The following MCM9 variants were observed in gnomAD, a reference collection of about 807,000 sequenced individuals.
MCM9 encodes the protein minichromosome maintenance 9 homologous recombination repair factor, also known as DNA helicase MCM9.
MCM9 carries 55 observed loss-of-function variants against 72.8 expected under a neutral mutation model. The ratio of observed to expected loss-of-function variants is 0.76; its 90% confidence interval spans 0.61 to 0.95. The LOEUF (loss-of-function observed/expected upper bound fraction) is 0.95, where lower values mean the gene tolerates loss of function less well. Ranked by LOEUF, MCM9 falls within the 40% of genes least tolerant of loss-of-function variation. The pLI, the probability that MCM9 is intolerant of heterozygous loss-of-function variation, is 0.00. For synonymous variants in MCM9, 480 were observed against 503.4 expected (o/e 0.95, Z 0.62); for missense variants, 1,279 against 1,377.0 (o/e 0.93, Z 1.13).
chr6:118,892,865 C>T (rs1204492772), intron 8 of MCM9, among the ~76,000 whole-genome samples: 1 of 152,234 alleles, frequency 6.6e-6, no homozygotes, highest in African/African-American at 2.4e-5. Context: ...CTCACATTAA[C>T]TTTCAAAAGA....
In MCM9 at chr6:118,853,403, C is replaced by A. The variant is rs1020611162; in HGVS notation, c.1325+2968G>T. ...GCTATTCTGTGCTTTTCTATATAAACTTTAAAACCAGCCTGCCGATTTCTA... is the reference window on the plus strand; with the variant it reads ...GCTATTCTGTGCTTTTCTATATAAAATTTAAAACCAGCCTGCCGATTTCTA... On this transcript the variant is annotated intron_variant, in intron 9 of 13. Transcript: ENST00000619706. Among the ~76,000 whole-genome samples, 9 of 151,864 alleles carry A rather than the reference C, an allele frequency of 5.9e-5. No individual in the cohort carries two copies. The South Asian group carries it at 1.9e-3, about 32-fold the overall frequency.
intron 8 of MCM9, among the ~76,000 whole-genome samples, chr6:118,892,547 T>G (rs1173077639): frequency 6.6e-6 from 1 of 152,244 alleles, no homozygotes; most frequent in Non-Finnish European, 1.5e-5. Flanking sequence ...CACAGGAGTT[T>G]TAATCTTCAA....
chr6:118,928,410 CA>C lies in MCM9; in HGVS notation c.304+3009del, dbSNP rs1782082981. Among the ~76,000 whole-genome samples the C allele has an allele frequency of 2.0e-5, 3 of 151,776 alleles. No homozygotes were observed. The South Asian group carries it at 6.2e-4, about 32-fold the overall frequency. ...TGGGAAACAGAGTGAGACTCCATCT[CA>C]AAAAAACAAAGAATACAGACTCAAG... is the stretch of plus-strand genomic sequence containing the variant. On this transcript the variant is annotated intron_variant, in intron 3 of 13. Coordinates refer to ENST00000619706, the MANE Select transcript of MCM9 (RefSeq NM_017696.3).
Position 118,840,735 on chromosome 6 carries a change from C to G in MCM9, c.1326-11485G>C, listed in dbSNP as rs544711618. Reference sequence around the variant, plus strand: ...GCTAGGTACATATATTCTCTCCTCCCCCCCCCCTTTTTTTTTTTTTGAGAC... The same window carrying G: ...GCTAGGTACATATATTCTCTCCTCCGCCCCCCCTTTTTTTTTTTTTGAGAC... On this transcript the variant is annotated intron_variant, in intron 9 of 13. Coordinates refer to ENST00000619706, the MANE Select transcript of MCM9 (RefSeq NM_017696.3). 4.0e-5 allele frequency among the ~76,000 whole-genome samples: 4 copies of G among 100,790 alleles called. No homozygotes were observed. The South Asian group carries it at 1.8e-3, about 45-fold the overall frequency. The allele number at this position is 100,790 out of a possible 152,430, so 66.1% of individuals were successfully genotyped here.
chr6:118,906,423 T>G (rs1780183006), intron 8 of MCM9, among the ~76,000 whole-genome samples: 1 of 152,198 alleles, frequency 6.6e-6, no homozygotes, highest in Non-Finnish European at 1.5e-5. Flanking sequence ...TTTATAGCAT[T>G]TCCCATATTG....
chr6:118,878,207 C>T (rs1344940190), intron 8 of MCM9, among the ~76,000 whole-genome samples: 1 of 151,754 alleles, frequency 6.6e-6, no homozygotes, highest in Non-Finnish European at 1.5e-5. Flanking sequence ...CAGCTAAACA[C>T]AATATGGAGA....
intron 8 of MCM9, among the ~76,000 whole-genome samples, chr6:118,895,034 G>T (rs1479821527): frequency 6.6e-6 from 1 of 152,176 alleles, no homozygotes; most frequent in Non-Finnish European, 1.5e-5. Flanking sequence ...TGCCCCCGGC[G>T]AAAGGCAGGC....
At chr6:118,816,372 T>A in intron 13 of MCM9, 78 bp from the exon 14 acceptor site, 1 of 1,230,380 alleles carries the variant, frequency 8.1e-7, no homozygotes, top group East Asian at 2.6e-5. Flanking sequence ...CTTTAGTCTC[T>A]GAGATACCAT....
At position 118,814,868 on chromosome 6, in the gene MCM9, C is replaced by T. The variant is rs1157424891; in HGVS notation, c.3388G>A (p.Ala1130Thr). Residue 1130 changes from alanine (A) to threonine (T), a missense_variant, in exon 14 of 14, where the codon GCA becomes ACA. Ala to Thr is a moderately conservative substitution (Grantham distance 58). Coordinates refer to ENST00000619706, the MANE Select transcript of MCM9 (RefSeq NM_017696.3). ...LFTLPELGDE[A>T]FDCDWDEEMR... ...TCTTCATCCCAGTCACAATCAAATG[C>T]TTCATCACCTAGTTCTGGTAAAGTG... 3.3e-6 allele frequency: 5 copies of T among 1,534,238 alleles called. No individual in the cohort carries two copies. The East Asian group carries it at 1.2e-4, about 38-fold the overall frequency.
intron 8 of MCM9, among the ~76,000 whole-genome samples, chr6:118,867,529 A>G (rs964010020): frequency 6.6e-6 from 1 of 152,188 alleles, no homozygotes; most frequent in African/African-American, 2.4e-5. Context: ...ATGCAATTTT[A>G]TACGGCAATT....
At chr6:118,830,623 C>G (rs1774476691) in intron 9 of MCM9, among the ~76,000 whole-genome samples, 1 of 152,208 alleles carries the variant, frequency 6.6e-6, no homozygotes, top group South Asian at 2.1e-4. Context: ...TTAACCCACA[C>G]TGAAGACGGA....
chr6:118,852,843 C>T (rs1012261984), intron 9 of MCM9, among the ~76,000 whole-genome samples: 1 of 152,146 alleles, frequency 6.6e-6, no homozygotes, highest in African/African-American at 2.4e-5. Context: ...TGATTTTTCT[C>T]CTTACAGTTT....
chr6:118,921,966 C>T (rs765426494), intron 5 of MCM9, 39 bp downstream of exon 5: 4 of 1,494,654 alleles, frequency 2.7e-6, no homozygotes, highest in African/African-American at 1.4e-5. Context: ...TACTTTAGGA[C>T]TACCTACACA....
intron 9 of MCM9, among the ~76,000 whole-genome samples, chr6:118,847,422 CAAA>C (rs368957444): frequency 8.8e-6 from 1 of 113,858 alleles, no homozygotes; most frequent in African/African-American, 3.6e-5. Context: ...CATGAATCTT[CAAA>C]AAAAAAAAAA....
intron 8 of MCM9, among the ~76,000 whole-genome samples, chr6:118,881,938 A>C (rs1263644804): frequency 2.2e-4 from 33 of 152,104 alleles, no homozygotes; most frequent in Admixed American, 2.0e-3. Flanking sequence ...CAAGAAGAGG[A>C]GCTCCCTATG....
At chr6:118,912,181 TC>T (rs1780604248) in intron 7 of MCM9, 1 of 152,948 alleles carries the variant, frequency 6.5e-6, no homozygotes, top group Admixed American at 6.5e-5. Context: ...TTATAAAGTT[TC>T]TGATTTACTC....
At chr6:118,886,970 A>C (rs1461539081) in intron 8 of MCM9, among the ~76,000 whole-genome samples, 2 of 152,226 alleles carry the variant, frequency 1.3e-5, no homozygotes, top group African/African-American at 4.8e-5. Context: ...ATCTCAAAAA[A>C]AGAAAGAAGG....
chr6:118,898,402 T>C (rs188982720), intron 8 of MCM9, among the ~76,000 whole-genome samples: 12 of 152,056 alleles, frequency 7.9e-5, no homozygotes. Context: ...GAAATTAAAA[T>C]TCATGAAAAC....
chr6:118,832,688 A>C (rs1774653778), intron 9 of MCM9, among the ~76,000 whole-genome samples: 1 of 152,234 alleles, frequency 6.6e-6, no homozygotes, highest in South Asian at 2.1e-4. Context: ...TGTTCTACTA[A>C]TAACTTGTGT....
Sources: allele counts gnomAD v4.1 joint callset (sites outside exome capture counted in the v4.1 genomes callset), GRCh38; gene constraint gnomAD v4.1.1; transcripts MANE v1.5; gene names NCBI Gene and HGNC (gene_info 2026-07-23, HGNC 2026-07-21).